NLGN4X: variants seen among roughly 807,000 people sequenced by gnomAD.
The protein encoded by NLGN4X is neuroligin 4 X-linked.
A neutral mutation model predicts 40.3 loss-of-function variants in NLGN4X; 3 were observed. The ratio of observed to expected loss-of-function variants is 0.07; its 90% CI spans 0.03 to 0.19. NLGN4X has a LOEUF of 0.19. Ranked by LOEUF, NLGN4X falls within the 10% of genes least tolerant of loss-of-function variation. The pLI, the probability that NLGN4X is intolerant of heterozygous loss-of-function variation, is 1.00. For synonymous variants in NLGN4X, 270 were observed against 306.8 expected (o/e 0.88, Z 1.25); for missense variants, 382 against 708.3 (o/e 0.54, Z 5.23).
intron 3 of NLGN4X, among the ~76,000 whole-genome samples, chrX:5,921,784 C>A (rs5961887): frequency 0.15 from 16,152 of 111,276 alleles, 997 homozygotes; most frequent in African/African-American, 0.23. Flanking sequence ...CTGTTTTGGG[C>A]AGATGCATTG....
intron 5 of NLGN4X, among the ~76,000 whole-genome samples, chrX:5,895,343 C>A (rs1473781132): frequency 9.0e-6 from 1 of 110,977 alleles, no homozygotes; most frequent in Non-Finnish European, 1.9e-5. Context: ...AGATGTCTGG[C>A]ATATGGTAAG....
intron 1 of NLGN4X, among the ~76,000 whole-genome samples, chrX:6,175,860 T>C (rs760988057): frequency 9.0e-6 from 1 of 110,585 alleles, no homozygotes; most frequent in South Asian, 3.9e-4. Flanking sequence ...AACCTCAGGA[T>C]GGTGTATAAG....
chrX:6,175,808 C>A (rs749783568), intron 1 of NLGN4X, among the ~76,000 whole-genome samples: 2 of 110,560 alleles, frequency 1.8e-5, no homozygotes, highest in Non-Finnish European at 3.8e-5. Flanking sequence ...CTCCCCCTCC[C>A]ATCACCTGTT....
At chrX:6,172,567 T>C (rs2040630686) in intron 1 of NLGN4X, among the ~76,000 whole-genome samples, 1 of 112,194 alleles carries the variant, frequency 8.9e-6, no homozygotes, top group Admixed American at 9.5e-5. Flanking sequence ...GAGTCACTAT[T>C]TCATCATATC....
At chrX:6,069,039 C>T (rs772488217) in intron 2 of NLGN4X, among the ~76,000 whole-genome samples, 3 of 111,743 alleles carry the variant, frequency 2.7e-5, no homozygotes, top group African/African-American at 9.8e-5. Flanking sequence ...CCTGTAATCC[C>T]AGCACTTTGG....
intron 3 of NLGN4X, among the ~76,000 whole-genome samples, chrX:5,956,965 CTGTGTGTGTG>C (rs564463682): frequency 5.6e-5 from 6 of 106,680 alleles, no homozygotes; most frequent in African/African-American, 2.0e-4. Context: ...TGTGTGGTGT[CTGTGTGTGTG>C]TGTGTGTGTG....
intron 3 of NLGN4X, among the ~76,000 whole-genome samples, chrX:6,008,170 C>A (rs1186368151): frequency 1.8e-5 from 2 of 111,845 alleles, no homozygotes; most frequent in African/African-American, 6.5e-5. Context: ...AGTATATTTG[C>A]ATTTTTGTGA....
intron 5 of NLGN4X, among the ~76,000 whole-genome samples, chrX:5,897,778 C>T (rs1376923608): frequency 8.9e-6 from 1 of 112,165 alleles, no homozygotes; most frequent in Non-Finnish European, 1.9e-5. Flanking sequence ...TATGCGTACT[C>T]GCTGACTCCG....
At chrX:6,081,690 C>T (rs2038354157) in intron 2 of NLGN4X, among the ~76,000 whole-genome samples, 1 of 112,202 alleles carries the variant, frequency 8.9e-6, no homozygotes, top group Admixed American at 9.4e-5. Flanking sequence ...TCTAAGATAC[C>T]TAGCCTGCAG....
intron 2 of NLGN4X, among the ~76,000 whole-genome samples, chrX:6,150,458 C>T (rs1214674521): frequency 8.9e-6 from 1 of 111,918 alleles, no homozygotes; most frequent in Non-Finnish European, 1.9e-5. Context: ...GTTAAGAAAA[C>T]CGATTCTAAA....
At chrX:5,894,453 T>C (rs978550245) in intron 5 of NLGN4X, among the ~76,000 whole-genome samples, 3 of 112,397 alleles carry the variant, frequency 2.7e-5, no homozygotes, top group African/African-American at 9.7e-5. Flanking sequence ...GCACGCTATG[T>C]TAGCTGTAAG....
chrX:6,145,934 G>A lies in NLGN4X; in HGVS notation c.472+5061C>T, dbSNP rs1350082579. Among the ~76,000 whole-genome samples, 18 of 110,129 alleles carry A rather than the reference G, an allele frequency of 1.6e-4. No individual in the cohort carries two copies. In the Admixed American group the frequency reaches 1.8e-3, roughly 11 times the overall value. Reference sequence around the variant, plus strand: ...ACCCAAGACCAGCCAGAGCAACATAGTGACACCCCATCTCTACAGAAACTA... The same window carrying A: ...ACCCAAGACCAGCCAGAGCAACATAATGACACCCCATCTCTACAGAAACTA... On this transcript the variant is annotated intron_variant, in intron 2 of 5. Transcript: ENST00000381095.
intron 4 of NLGN4X, 38 bp downstream of exon 4, chrX:5,909,016 G>A: frequency 1.7e-6 from 2 of 1,198,927 alleles, no homozygotes; most frequent in Non-Finnish European, 2.3e-6. Flanking sequence ...TCTTGGTTCA[G>A]GGTATTTGCC....
intron 3 of NLGN4X, among the ~76,000 whole-genome samples, chrX:5,916,798 G>T (rs2032815506): frequency 8.9e-6 from 1 of 111,984 alleles, no homozygotes; most frequent in African/African-American, 3.2e-5. Flanking sequence ...AACAGTGGAG[G>T]GTGATTATTT....
Position 5,893,110 on chromosome X carries a change from C to G in NLGN4X, c.2158G>C (p.Asp720His). 1 of 1,211,549 alleles carries G rather than the reference C, an allele frequency of 8.3e-7. No homozygotes were observed. Among genetic ancestry groups the G allele is most frequent in the Middle Eastern group, 2.3e-4 (1 of 4,350 alleles). The change falls in exon 6 of 6, where the codon GAT becomes CAT. Residue 720 changes from aspartate to histidine, a missense_variant. By Grantham distance (81) the Asp-to-His change is moderately conservative. Transcript: ENST00000381095. The stretch of plus-strand genomic sequence containing the variant: ...TCTTCGTTCTGGATGTGAGCGATAT[C>G]ATTTGTGGTGTTTCTCTGGGGACTG... ...RPSPQRNTTN[D>H]IAHIQNEEIM...
intron 3 of NLGN4X, among the ~76,000 whole-genome samples, chrX:6,006,477 G>A (rs1487368190): frequency 1.8e-5 from 2 of 110,870 alleles, no homozygotes; most frequent in African/African-American, 3.3e-5. Context: ...TAATGTTTTG[G>A]CATGTGGTTT....
chrX:6,152,881 C>A (rs988404510), intron 1 of NLGN4X, among the ~76,000 whole-genome samples: 2 of 112,661 alleles, frequency 1.8e-5, no homozygotes, highest in Non-Finnish European at 3.7e-5. Flanking sequence ...ATTTGAGTTA[C>A]TTTCCCATTG....
At position 6,105,249 on chromosome X, in the gene NLGN4X, T is replaced by C. The variant is rs181428318; in HGVS notation, c.472+45746A>G. Among the ~76,000 whole-genome samples the C allele has an allele frequency of 4.2e-4, 47 of 110,803 alleles. No individual in the cohort carries two copies. The East Asian group carries it at 0.013, about 31-fold the overall frequency. ...CTAACTTTTGTATTTTTAGTAGAGATGGGGTTTCACCATGTTGGCCAGGCT... is the reference window on the plus strand; with the variant it reads ...CTAACTTTTGTATTTTTAGTAGAGACGGGGTTTCACCATGTTGGCCAGGCT... On this transcript the variant is annotated intron_variant, in intron 2 of 5. Coordinates refer to ENST00000381095, the MANE Select transcript of NLGN4X (RefSeq NM_181332.3).
At chrX:6,034,862 C>T (rs2036962971) in intron 2 of NLGN4X, among the ~76,000 whole-genome samples, 1 of 110,576 alleles carries the variant, frequency 9.0e-6, no homozygotes, top group Non-Finnish European at 1.9e-5. Context: ...GCATGCACCA[C>T]TATTCCTGTT....
Sources: gnomAD v4.1 joint callset for allele counts (sites outside exome capture counted in the v4.1 genomes callset) on GRCh38, gnomAD v4.1.1 for gene constraint, MANE v1.5 for transcripts, NCBI Gene and HGNC (gene_info 2026-07-23, HGNC 2026-07-21) for gene names.